Variants in SMARCD3 observed in about 807,000 individuals in gnomAD.
The protein encoded by SMARCD3 is SWI/SNF-related matrix-associated actin-dependent regulator of chromatin subfamily D member 3.
Under a neutral mutation model 58.0 loss-of-function variants are expected in SMARCD3, and 14 were observed. The ratio of observed to expected loss-of-function variants is 0.24; its 90% CI spans 0.16 to 0.38. The LOEUF (loss-of-function observed/expected upper bound fraction) is 0.38. Among genes scored for constraint, SMARCD3 ranks in the 10% least tolerant of loss-of-function variants. SMARCD3 has a pLI of 1.00. For missense variants in SMARCD3, 408 were observed against 636.9 expected, an observed-to-expected ratio of 0.64 and a Z score of 3.87; for synonymous variants, 253 against 253.8, an observed-to-expected ratio of 1.00 and a Z score of 0.03.
Position 151,239,296 on chromosome 7 carries a change from C to A in SMARCD3, c.1398+100G>T. 7.5e-7 allele frequency: 1 copy of A among 1,331,388 alleles called. No individual in the cohort carries two copies. The highest frequency in any genetic ancestry group is 1.1e-6 in the Non-Finnish European group (1 of 925,116). The allele number at this position is 1,331,388 out of a possible 1,614,324, so 82.5% of individuals were successfully genotyped here. On this transcript the variant is annotated intron_variant, in intron 12 of 12. Coordinates refer to ENST00000262188, the MANE Select transcript of SMARCD3 (RefSeq NM_001003801.2). The surrounding 1 kb of genome is among the most constrained non-coding windows in gnomAD (Gnocchi z 7.0). ...TGCATGGTGAGGCAGCGTGGTGAAG[C>A]TTTACTGTGGGGAGCTGCGAGGGCT...
At position 151,239,559 on chromosome 7, in the gene SMARCD3, A is replaced by C. The variant is rs1802846241; in HGVS notation, c.1297-62T>G. 1.2e-6 allele frequency: 2 copies of C among 1,611,226 alleles called. No homozygotes were observed. The highest frequency in any genetic ancestry group is 1.7e-6 in the Non-Finnish European group (2 of 1,177,684). ...TCCCCTCACCTGCCCCTGGAGTACAACGTTTACTCTCTTTCCCGCTGTGCT... is the reference window on the plus strand; with the variant it reads ...TCCCCTCACCTGCCCCTGGAGTACACCGTTTACTCTCTTTCCCGCTGTGCT... On this transcript the variant is annotated intron_variant, in intron 11 of 12. Transcript: ENST00000262188. The surrounding 1 kb of genome is among the most constrained non-coding windows in gnomAD (Gnocchi z 7.0).
chr7:151,275,588 G>C (rs1024754086), intron 1 of SMARCD3, among the ~76,000 whole-genome samples: 1 of 152,188 alleles, frequency 6.6e-6, no homozygotes, highest in Non-Finnish European at 1.5e-5. Flanking sequence ...TGGAGGGAGA[G>C]AGCTGGGCAT....
chr7:151,263,265 T>C (rs1803974859), intron 2 of SMARCD3, among the ~76,000 whole-genome samples: 1 of 151,720 alleles, frequency 6.6e-6, no homozygotes, highest in African/African-American at 2.4e-5. Flanking sequence ...TTTTTTTTAA[T>C]TAAAAAAATG....
upstream of SMARCD3, among the ~76,000 whole-genome samples, chr7:151,252,536 C>A (rs1269670072): frequency 1.3e-5 from 2 of 152,126 alleles, no homozygotes; most frequent in African/African-American, 4.8e-5. Flanking sequence ...GTGAGGACCA[C>A]AAAGCCTTGG....
rs1426700588 is a variant in SMARCD3, at chr7:151,246,039, C to T, written c.79-368G>A. 1.2e-5 allele frequency: 2 copies of T among 163,998 alleles called. No homozygotes were observed. Among genetic ancestry groups the T allele is most frequent in the Non-Finnish European group, 2.6e-5 (2 of 75,974 alleles). 10.2% of individuals were successfully genotyped at this position (163,998 alleles called of 1,614,324 possible). A position where few individuals can be genotyped will look rare whatever the true frequency, so the allele number is the denominator to read the frequency against. On this transcript the variant is annotated intron_variant, in intron 1 of 12. Coordinates refer to ENST00000262188, the MANE Select transcript of SMARCD3 (RefSeq NM_001003801.2). This position sits in a 1 kb window ranked among gnomAD's most constrained non-coding sequence, Gnocchi z 4.4. ...AGACAGCCTGAGCAGGTCCTTTCAT[C>T]CCCACTTGACGGATGGGGCCACTGT...
In SMARCD3 at chr7:151,238,966, C is replaced by G. The variant is rs1870238; in HGVS notation, c.*137G>C. On this transcript the variant is annotated 3_prime_UTR_variant, in exon 13 of 13. Transcript: ENST00000262188. Reference sequence around the variant, plus strand: ...CCCTCCCCAGTTTCCAATGACCACACGGCTGCTGTCAGATGAATGACTTTT... The same window carrying G: ...CCCTCCCCAGTTTCCAATGACCACAGGGCTGCTGTCAGATGAATGACTTTT... The G allele has an allele frequency of 0.41, 438,834 of 1,057,994 alleles. 95,200 individuals carry two copies. The highest frequency in any genetic ancestry group is 0.72 in the East Asian group (30,242 of 41,964). The allele number at this position is 1,057,994 out of a possible 1,614,324, so 65.5% of individuals were successfully genotyped here. A position where few individuals can be genotyped will look rare whatever the true frequency, so the allele number is the denominator to read the frequency against.
rs868538316 is a variant in SMARCD3, at chr7:151,241,100, G to A, written c.939+392C>T. 3.3e-6 allele frequency: 1 copy of A among 306,600 alleles called. No homozygotes were observed. Among genetic ancestry groups the A allele is most frequent in the South Asian group, 3.2e-5 (1 of 31,430 alleles). The allele number at this position is 306,600 out of a possible 1,614,324, so 19.0% of individuals were successfully genotyped here. ...CCTAACTGCCCAGGAGAGTAGATAG[G>A]ACAGGTATTGTCACTCCACTTCAAA... On this transcript the variant is annotated intron_variant, in intron 8 of 12. Coordinates refer to ENST00000262188, the MANE Select transcript of SMARCD3 (RefSeq NM_001003801.2). The surrounding 1 kb of genome is among the most constrained non-coding windows in gnomAD (Gnocchi z 5.3).
In SMARCD3 at chr7:151,248,474, C is replaced by T; in HGVS notation, c.78+11G>A. ...TCGCTTGCCCTCCCCCGCTAACTTT[C>T]CCCCACTCACCACCCCATGGACCAG... On this transcript the variant is annotated intron_variant, in intron 1 of 12. Transcript: ENST00000262188. This position sits in a 1 kb window ranked among gnomAD's most constrained non-coding sequence, Gnocchi z 6.1. The T allele has an allele frequency of 1.9e-6, 3 of 1,606,146 alleles. No individual in the cohort carries two copies. Among genetic ancestry groups the T allele is most frequent in the Non-Finnish European group, 2.6e-6 (3 of 1,174,018 alleles).
chr7:151,269,160 T>G (rs1285092962), intron 2 of SMARCD3, among the ~76,000 whole-genome samples: 1 of 151,936 alleles, frequency 6.6e-6, no homozygotes, highest in Non-Finnish European at 1.5e-5. Context: ...GCAAGTGAGG[T>G]GATGGTGAAG....
At position 151,240,095 on chromosome 7, in the gene SMARCD3, C is replaced by G. The variant is rs781529783; in HGVS notation, c.1173+17G>C. 1 of 1,613,574 alleles carries G rather than the reference C, an allele frequency of 6.2e-7. No homozygotes were observed. The highest frequency in any genetic ancestry group is 1.7e-5 in the Admixed American group (1 of 59,994). Reference sequence around the variant, plus strand: ...TCTGGGTTAATGTCCCACTCCAGCTCTGGGCTTGGGCCCCACCTTACTGTC... The same window carrying G: ...TCTGGGTTAATGTCCCACTCCAGCTGTGGGCTTGGGCCCCACCTTACTGTC... On this transcript the variant is annotated intron_variant, in intron 10 of 12. Transcript: ENST00000262188.
intron 2 of SMARCD3, among the ~76,000 whole-genome samples, chr7:151,264,187 T>C (rs559427905): frequency 2.0e-5 from 3 of 151,770 alleles, no homozygotes; most frequent in Admixed American, 2.0e-4. Context: ...GCCTCCCAAG[T>C]AGCTGGGACT....
At chr7:151,256,589 T>C (rs995474563) in intron 2 of SMARCD3, among the ~76,000 whole-genome samples, 1 of 152,106 alleles carries the variant, frequency 6.6e-6, no homozygotes, top group African/African-American at 2.4e-5. Context: ...CCGGTCTCAT[T>C]GTGGATTCGG....
chr7:151,251,801 G>T (rs572335662), upstream of SMARCD3, among the ~76,000 whole-genome samples: 40 of 151,542 alleles, frequency 2.6e-4, 1 homozygote, highest in Admixed American at 8.5e-4. Flanking sequence ...GCACCAAATG[G>T]CAAAGCGCCG....
rs1016330697 is a variant in SMARCD3, at chr7:151,245,001, CAG to C, written c.290+457_290+458del. ...AATCCCCAAGCTCCACCCCCATGGT[CAG>C]AGAGTCCCATTGAGAAAATCTGGAG... is the stretch of plus-strand genomic sequence containing the variant. On this transcript the variant is annotated intron_variant, in intron 2 of 12. Coordinates refer to ENST00000262188, the MANE Select transcript of SMARCD3 (RefSeq NM_001003801.2). This position sits in a 1 kb window ranked among gnomAD's most constrained non-coding sequence, Gnocchi z 6.2. 6.6e-6 allele frequency among the ~76,000 whole-genome samples: 1 copy of C among 152,190 alleles called. No individual in the cohort carries two copies. The highest frequency in any genetic ancestry group is 2.4e-5 in the African/African-American group (1 of 41,446).
rs1803071120 is a variant in SMARCD3, at chr7:151,242,898, T to G, written c.334-55A>C. The G allele has an allele frequency of 6.3e-7, 1 of 1,599,430 alleles. No individual in the cohort carries two copies. On this transcript the variant is annotated intron_variant, in intron 3 of 12. Coordinates refer to ENST00000262188, the MANE Select transcript of SMARCD3 (RefSeq NM_001003801.2). The surrounding 1 kb of genome is among the most constrained non-coding windows in gnomAD (Gnocchi z 4.7). ...GAGGCTCAAGTCCAGGGTTGTACCA[T>G]GGAATGTATGCATGTTGTGCAATCC... is the stretch of plus-strand genomic sequence containing the variant.
chr7:151,242,987 C>T lies in SMARCD3; in HGVS notation c.334-144G>A, dbSNP rs149968167. Reference sequence around the variant, plus strand: ...GGGCATGTAGCTTTGACAGTGGGAACAGGACCTCTCCCCAGGATGCCATTA... The same window carrying T: ...GGGCATGTAGCTTTGACAGTGGGAATAGGACCTCTCCCCAGGATGCCATTA... On this transcript the variant is annotated intron_variant, in intron 3 of 12. Transcript: ENST00000262188. The surrounding 1 kb of genome is among the most constrained non-coding windows in gnomAD (Gnocchi z 4.7). 9 of 883,816 alleles carry T rather than the reference C, an allele frequency of 1.0e-5. No homozygotes were observed. The African/African-American group carries it at 1.3e-4, about 13-fold the overall frequency. The allele number at this position is 883,816 out of a possible 1,614,324, so 54.7% of individuals were successfully genotyped here.
In SMARCD3 at chr7:151,242,126, C is replaced by T. The variant is rs1292809457; in HGVS notation, c.675+11G>A. 13 of 1,604,948 alleles carry T rather than the reference C, an allele frequency of 8.1e-6. No individual in the cohort carries two copies. The highest frequency in any genetic ancestry group is 1.7e-4 in the Middle Eastern group (1 of 6,048). On this transcript the variant is annotated intron_variant, in intron 6 of 12. Transcript: ENST00000262188. This position sits in a 1 kb window ranked among gnomAD's most constrained non-coding sequence, Gnocchi z 4.7. Reference sequence around the variant, plus strand: ...GTGGCAATTCAAGGGCGGAGGGGCTCTTGGTCTTACCTCAACGAGGTGGTT... The same window carrying T: ...GTGGCAATTCAAGGGCGGAGGGGCTTTTGGTCTTACCTCAACGAGGTGGTT...
intron 2 of SMARCD3, among the ~76,000 whole-genome samples, chr7:151,257,437 C>T (rs139502498): frequency 0.012 from 1,813 of 152,348 alleles, 36 homozygotes; most frequent in African/African-American, 0.041. Flanking sequence ...AGCGATTCTC[C>T]TGCCTCAGCC....
chr7:151,245,078 C>G lies in SMARCD3; in HGVS notation c.290+382G>C, dbSNP rs1432850078. Among the ~76,000 whole-genome samples the G allele has an allele frequency of 6.6e-6, 1 of 152,212 alleles. No homozygotes were observed. On this transcript the variant is annotated intron_variant, in intron 2 of 12. Transcript: ENST00000262188. This position sits in a 1 kb window ranked among gnomAD's most constrained non-coding sequence, Gnocchi z 6.2. The stretch of plus-strand genomic sequence containing the variant: ...GGCAGGAAGGCTCAGCGGAGAACCA[C>G]ACTTTGGGGAACACAGTCCTACACC...
Sources: allele counts gnomAD v4.1 joint callset (sites outside exome capture counted in the v4.1 genomes callset), GRCh38; gene constraint gnomAD v4.1.1; non-coding constraint Gnocchi (gnomAD v3.1); transcripts MANE v1.5; gene names NCBI Gene and HGNC (gene_info 2026-07-23, HGNC 2026-07-21).